The following CHD8 variants were observed in gnomAD, a reference collection of about 807,000 sequenced individuals.
CHD8 encodes the protein ATP-dependent chromatin remodeler CHD8.
Under a neutral mutation model 279.2 loss-of-function variants are expected in CHD8, and 31 were observed. The ratio of observed to expected loss-of-function variants is 0.11; its 90% CI spans 0.08 to 0.15. CHD8 has a LOEUF of 0.15. Ranked by LOEUF, CHD8 falls within the 10% of genes least tolerant of loss-of-function variation. The pLI, the probability that CHD8 is intolerant of heterozygous loss-of-function variation, is 1.00. For missense variants in CHD8, 2,146 were observed against 3,230.5 expected (o/e 0.66, Z 8.14); for synonymous variants, 1,081 against 1,139.6 (o/e 0.95, Z 1.04).
rs1226499068 is a variant in CHD8, at chr14:21,415,668, A to G, written c.1900-26T>C. 2.5e-6 allele frequency: 4 copies of G among 1,612,634 alleles called. No homozygotes were observed. The Admixed American group carries it at 6.7e-5, about 27-fold the overall frequency. ...CTGCAGCAAAAGATGCAGTCAGTCAACAGATGATTGTGACCAGCAAGGCAA... is the reference window on the plus strand; with the variant it reads ...CTGCAGCAAAAGATGCAGTCAGTCAGCAGATGATTGTGACCAGCAAGGCAA... On this transcript the variant is annotated intron_variant, in intron 6 of 37. Transcript: ENST00000646647.
chr14:21,400,994 C>T lies in CHD8; in HGVS notation c.4251G>A (p.Val1417=), dbSNP rs1280255006. 9 of 1,613,996 alleles carry T rather than the reference C, an allele frequency of 5.6e-6. No homozygotes were observed. The highest frequency in any genetic ancestry group is 1.6e-4 in the Middle Eastern group (1 of 6,062). ...HFSTLKDDDL[V]EFSDLESEDD... ...CCTCACTTTCCAAATCAGAGAATTC[C>T]ACCAGGTCATCATCTTTCAGAGTGC... is the stretch of plus-strand genomic sequence containing the variant. Residue 1417 remains valine (V), a synonymous_variant, in exon 22 of 38, where the codon GTG becomes GTA. Transcript: ENST00000646647. This position sits in a 1 kb window ranked among gnomAD's most constrained non-coding sequence, Gnocchi z 4.2.
chr14:21,454,699 C>T (rs1890342992), intron 1 of CHD8, among the ~76,000 whole-genome samples: 1 of 152,186 alleles, frequency 6.6e-6, no homozygotes, highest in South Asian at 2.1e-4. Context: ...CACTTGCCTT[C>T]AGATCCACTG....
In CHD8 at chr14:21,399,631, T is replaced by C; in HGVS notation, c.4892A>G (p.Lys1631Arg). ...TTTAAAGACTCCAATGAGCAGCGAC[T>C]TGTCAGCCTCACTGTCCCACCAAGT... is the stretch of plus-strand genomic sequence containing the variant. The part of the protein sequence containing the change: ...PTTWWDSEAD[K>R]SLLIGVFKHG... Residue 1631 changes from lysine (K) to arginine (R), a missense_variant, in exon 26 of 38, where the codon AAG (lysine) becomes AGG (arginine). Around this residue, in one of 26 missense-constraint regions of CHD8, gnomAD observed 13 missense variants for 48.7 expected, o/e 0.27. Transcript: ENST00000646647. 3.7e-6 allele frequency: 6 copies of C among 1,613,704 alleles called. No homozygotes were observed. Among genetic ancestry groups the C allele is most frequent in the Non-Finnish European group, 5.1e-6 (6 of 1,179,618 alleles).
chr14:21,431,046 C>T lies in CHD8; in HGVS notation c.598G>A (p.Val200Ile). ...LVAGTANGGK[V>I]TFTKVLTGTP... ...CCGGTTAGCACTTTGGTAAAAGTGA[C>T]TTTTCCACCATTGGCTGTGCCTGCC... Residue 200 changes from valine to isoleucine, a missense_variant, in exon 2 of 38, where the codon GTC becomes ATC. Physicochemically the swap from Val to Ile is conservative, Grantham distance 29. This residue lies in a region of CHD8 where 302 missense variants were observed against 325.5 expected (regional missense o/e 0.93). Coordinates refer to ENST00000646647, the MANE Select transcript of CHD8 (RefSeq NM_001170629.2). 1 of 1,599,346 alleles carries T rather than the reference C, an allele frequency of 6.3e-7. No homozygotes were observed. Among genetic ancestry groups the T allele is most frequent in the Non-Finnish European group, 8.5e-7 (1 of 1,179,706 alleles).
chr14:21,397,980 A>G (rs1887861081), intron 26 of CHD8, 28 bp from the exon 27 acceptor site: 1 of 1,583,520 alleles, frequency 6.3e-7, no homozygotes, highest in Non-Finnish European at 8.6e-7. Flanking sequence ...ATAGTTGAAG[A>G]AAATGAGATT....
In CHD8 at chr14:21,402,784, G is replaced by A. The variant is rs1888094755; in HGVS notation, c.3714+233C>T. The stretch of plus-strand genomic sequence containing the variant: ...ACATATTATCTATGGCTGTTTTTGC[G>A]CTACAGGACTTGGAGATAAGCAGTT... On this transcript the variant is annotated intron_variant, in intron 18 of 37. Coordinates refer to ENST00000646647, the MANE Select transcript of CHD8 (RefSeq NM_001170629.2). This position sits in a 1 kb window ranked among gnomAD's most constrained non-coding sequence, Gnocchi z 4.5. Among the ~76,000 whole-genome samples, 2 of 152,202 alleles carry A rather than the reference G, an allele frequency of 1.3e-5. No individual in the cohort carries two copies. Among genetic ancestry groups the A allele is most frequent in the African/African-American group, 2.4e-5 (1 of 41,436 alleles).
intron 35 of CHD8, 25 bp from the exon 36 acceptor site, chr14:21,391,667 T>C (rs1887546038): frequency 6.7e-7 from 1 of 1,490,908 alleles, no homozygotes; most frequent in Non-Finnish European, 9.1e-7. Flanking sequence ...TCCACCCCCA[T>C]GAGCACATAC....
At chr14:21,395,263 C>A (rs1439243400) in intron 29 of CHD8, 35 bp downstream of exon 29, 1 of 1,566,182 alleles carries the variant, frequency 6.4e-7, no homozygotes, top group Admixed American at 1.7e-5. Flanking sequence ...CCCACCACCC[C>A]ACACAGAATT....
intron 2 of CHD8, chr14:21,429,624 TCATCCCTC>T (rs1185982432): frequency 4.2e-6 from 2 of 479,092 alleles, no homozygotes; most frequent in Admixed American, 5.2e-5. Context: ...CTGGGCCAAT[TCATCCCTC>T]CTTAGGCAAC....
chr14:21,454,270 AT>A (rs1277023583), intron 1 of CHD8, among the ~76,000 whole-genome samples: 10 of 152,214 alleles, frequency 6.6e-5, no homozygotes, highest in African/African-American at 1.9e-4. Flanking sequence ...AACATGGAGA[AT>A]ACAAAAACTG....
chr14:21,443,514 G>C lies in CHD8; in HGVS notation c.-215-11656C>G, dbSNP rs374397266. 3.5e-4 allele frequency among the ~76,000 whole-genome samples: 53 copies of C among 152,026 alleles called. 1 individual carries two copies. Among genetic ancestry groups the C allele is most frequent in the Middle Eastern group, 3.4e-3 (1 of 292 alleles). On this transcript the variant is annotated intron_variant, in intron 1 of 37. Coordinates refer to ENST00000646647, the MANE Select transcript of CHD8 (RefSeq NM_001170629.2). ...GAGGCAGAGAATAGAGATTTGCAGG[G>C]GAAGAGTGATCAATTATATCAAACA... is the stretch of plus-strand genomic sequence containing the variant.
chr14:21,415,443 A>T, intron 7 of CHD8, 131 bp downstream of exon 7: 1 of 442,178 alleles, frequency 2.3e-6, no homozygotes, highest in Non-Finnish European at 3.6e-6. Flanking sequence ...ATAGTGTGCT[A>T]CGATCATATC....
intron 35 of CHD8, 53 bp downstream of exon 35, chr14:21,391,780 G>T: frequency 6.5e-7 from 1 of 1,536,706 alleles, no homozygotes; most frequent in Non-Finnish European, 9.0e-7. Flanking sequence ...ATCAATTATT[G>T]GGAATAAAAA....
chr14:21,447,930 T>G (rs1890166766), intron 1 of CHD8, among the ~76,000 whole-genome samples: 1 of 152,180 alleles, frequency 6.6e-6, no homozygotes, highest in Non-Finnish European at 1.5e-5. Flanking sequence ...GAGAAATCTC[T>G]AACTGGGCCA....
At chr14:21,401,914 C>T (rs760059447) in intron 20 of CHD8, 43 bp downstream of exon 20, 42 of 1,515,904 alleles carry the variant, frequency 2.8e-5, no homozygotes, top group Admixed American at 1.2e-4. Context: ...CTAGAGATTC[C>T]GGTCTCTGTG....
chr14:21,448,800 T>G (rs1343915329), intron 1 of CHD8, among the ~76,000 whole-genome samples: 1 of 151,088 alleles, frequency 6.6e-6, no homozygotes, highest in Non-Finnish European at 1.5e-5. Context: ...CCTGACCTCA[T>G]GATCCACCCG....
intron 5 of CHD8, among the ~76,000 whole-genome samples, chr14:21,423,810 A>G (rs1889165602): frequency 6.6e-6 from 1 of 152,240 alleles, no homozygotes; most frequent in Non-Finnish European, 1.5e-5. Context: ...AAATGTGTAC[A>G]TTTAATCCTT....
Position 21,385,819 on chromosome 14 carries a change from G to A in CHD8, c.7540C>T (p.Pro2514Ser), listed in dbSNP as rs1352485079. ...HHHHHPGLRA[P>S]GYPSSPVTTA... ...GTCACTGGTGAAGAGGGGTAGCCAG[G>A]GGCTCTCAAGCCTGGATGGTGATGG... The change falls in exon 38 of 38, where the codon CCT becomes TCT. Residue 2514 changes from proline (P) to serine (S), a missense_variant. Physicochemically the swap from Pro to Ser is moderately conservative, Grantham distance 74. Transcript: ENST00000646647. 2 of 1,550,362 alleles carry A rather than the reference G, an allele frequency of 1.3e-6. No homozygotes were observed. Among genetic ancestry groups the A allele is most frequent in the Non-Finnish European group, 1.7e-6 (2 of 1,146,752 alleles).
intron 5 of CHD8, chr14:21,416,586 T>G (rs1888734137): frequency 6.6e-6 from 1 of 151,698 alleles, no homozygotes; most frequent in African/African-American, 2.4e-5. Flanking sequence ...GCCAACATGG[T>G]GAAACCCCGT....
Sources: gnomAD v4.1 joint callset for allele counts (sites outside exome capture counted in the v4.1 genomes callset) on GRCh38, gnomAD v4.1.1 for gene constraint, gnomAD v4.1.1 regional missense constraint, Gnocchi (gnomAD v3.1) non-coding constraint, MANE v1.5 for transcripts, NCBI Gene and HGNC (gene_info 2026-07-23, HGNC 2026-07-21) for gene names.